ANO1: variants seen among roughly 807,000 people sequenced by gnomAD.
The protein encoded by ANO1 is anoctamin-1.
In ANO1, 59 loss-of-function variants were observed where a neutral mutation model predicts 124.0. That is an observed-to-expected ratio of 0.48 (90% CI 0.39 to 0.59). ANO1 has a LOEUF of 0.59. Ranked by LOEUF, ANO1 falls within the 20% of genes least tolerant of loss-of-function variation. The pLI is 0.00. For synonymous variants in ANO1, 529 were observed against 532.0 expected (o/e 0.99, Z 0.08); for missense variants, 1,059 against 1,328.0 (o/e 0.80, Z 3.15).
intron 1 of ANO1, among the ~76,000 whole-genome samples, chr11:70,053,872 A>G (rs1284242458): frequency 1.3e-5 from 2 of 152,180 alleles, no homozygotes; most frequent in African/African-American, 4.8e-5. Flanking sequence ...GATATAGGAC[A>G]TTGTGATTGT....
intron 1 of ANO1, among the ~76,000 whole-genome samples, chr11:70,021,259 C>T (rs1159448276): frequency 1.3e-5 from 2 of 152,156 alleles, no homozygotes; most frequent in Non-Finnish European, 2.9e-5. Context: ...TGTCATCCCG[C>T]TTAAGACTAA....
intron 1 of ANO1, among the ~76,000 whole-genome samples, chr11:70,081,192 A>G (rs2044190469): frequency 6.6e-6 from 1 of 152,204 alleles, no homozygotes; most frequent in African/African-American, 2.4e-5. Context: ...TATAAGAAGA[A>G]ATGACTTGAA....
At chr11:70,095,309 A>AAGGG (rs1396550985) in intron 2 of ANO1, among the ~76,000 whole-genome samples, 1 of 130,722 alleles carries the variant, frequency 7.6e-6, no homozygotes, top group African/African-American at 2.9e-5. Context: ...GGAAAGAAAG[A>AAGGG]AAGAAAGAAA....
chr11:70,085,343 C>T, intron 1 of ANO1: 2 of 1,423,782 alleles, frequency 1.4e-6, no homozygotes, highest in Non-Finnish European at 1.8e-6. Context: ...CCAAGCCACC[C>T]ACCCACATGG....
chr11:70,053,636 T>C (rs1857387945), intron 1 of ANO1, among the ~76,000 whole-genome samples: 1 of 152,192 alleles, frequency 6.6e-6, no homozygotes, highest in Admixed American at 6.5e-5. Context: ...TTGTTTAGGA[T>C]TTATAAGATA....
chr11:70,089,409 G>C (rs574675830), intron 2 of ANO1, among the ~76,000 whole-genome samples: 1 of 152,190 alleles, frequency 6.6e-6, no homozygotes, highest in Non-Finnish European at 1.5e-5. Context: ...GAGTGGAAAC[G>C]CCTCTGTTTT....
At chr11:70,030,252 T>A (rs1358570835) in intron 1 of ANO1, among the ~76,000 whole-genome samples, 1 of 152,176 alleles carries the variant, frequency 6.6e-6, no homozygotes, top group African/African-American at 2.4e-5. Context: ...GAAATTGGCA[T>A]CTGGAGCCGA....
At chr11:70,152,495 A>G (rs1395461881) in intron 13 of ANO1, 34 bp downstream of exon 13, 1 of 1,607,964 alleles carries the variant, frequency 6.2e-7, no homozygotes, top group Admixed American at 1.7e-5. Flanking sequence ...CTATCTTCCC[A>G]CAGCCTATCT....
intron 10 of ANO1, among the ~76,000 whole-genome samples, chr11:70,128,003 C>G (rs932810920): frequency 6.6e-6 from 1 of 152,178 alleles, no homozygotes; most frequent in Non-Finnish European, 1.5e-5. Flanking sequence ...ATCTCTAAAG[C>G]AGAGGTATAG....
At chr11:70,030,143 G>C (rs1220282833) in intron 1 of ANO1, among the ~76,000 whole-genome samples, 4 of 152,224 alleles carry the variant, frequency 2.6e-5, no homozygotes, top group Non-Finnish European at 5.9e-5. Flanking sequence ...TCAGGGAAGC[G>C]AAAGTTGCTC....
At chr11:70,045,637 C>T (rs1396307904) in intron 1 of ANO1, among the ~76,000 whole-genome samples, 3 of 152,052 alleles carry the variant, frequency 2.0e-5, no homozygotes, top group African/African-American at 7.2e-5. Flanking sequence ...ACTCATACAA[C>T]TGATTTTTTT....
At chr11:70,088,320 G>A (rs907769801) in intron 2 of ANO1, among the ~76,000 whole-genome samples, 2 of 152,050 alleles carry the variant, frequency 1.3e-5, no homozygotes, top group Non-Finnish European at 2.9e-5. Context: ...GGCCATCCTG[G>A]CCAACACGGT....
rs533242690 is a variant in ANO1 at position 70,102,893 on chromosome 11, T to C, written c.442-173T>C. On this transcript the variant is annotated intron_variant, in intron 2 of 25. Transcript: ENST00000355303. ...CCCTGCACTTCCTCCCACCTTCTGC[T>C]AAAGGGAATTCTAGCTTTGCCTCAA... 2.2e-4 allele frequency among the ~76,000 whole-genome samples: 33 copies of C among 152,272 alleles called. No individual in the cohort carries two copies. In the South Asian group the frequency reaches 6.8e-3, roughly 32 times the overall value.
At chr11:69,992,745 C>G (rs564726832) in intron 1 of ANO1, among the ~76,000 whole-genome samples, 3 of 152,202 alleles carry the variant, frequency 2.0e-5, no homozygotes, top group African/African-American at 7.2e-5. Context: ...TTTGGTGAGG[C>G]CTTCGTCTCT....
chr11:69,970,805 G>A, the ANO1 span, among the ~76,000 whole-genome samples: 158 of 152,280 alleles, frequency 1.0e-3, no homozygotes, highest in African/African-American at 3.5e-3. Context: ...TGCAGTCATC[G>A]GACACCCTGT....
chr11:70,091,154 C>T (rs77907803), intron 2 of ANO1, among the ~76,000 whole-genome samples: 27,460 of 152,140 alleles, frequency 0.18, 2,683 homozygotes, highest in Admixed American at 0.24. Context: ...GAGCTGCTGC[C>T]GTGTTCATTT....
chr11:69,976,415 G>A, the ANO1 span, among the ~76,000 whole-genome samples: 2 of 151,484 alleles, frequency 1.3e-5, no homozygotes, highest in African/African-American at 4.9e-5. Flanking sequence ...GCTGAGGCAG[G>A]AGAATGGCGT....
intron 8 of ANO1, among the ~76,000 whole-genome samples, chr11:70,124,070 T>A (rs553303408): frequency 6.6e-6 from 1 of 152,310 alleles, no homozygotes; most frequent in South Asian, 2.1e-4. Context: ...AATGGTTTGG[T>A]GTCTGATGGG....
intron 11 of ANO1, among the ~76,000 whole-genome samples, chr11:70,135,825 A>G (rs1032012853): frequency 3.9e-5 from 6 of 152,246 alleles, no homozygotes; most frequent in African/African-American, 1.4e-4. Context: ...GCCGGGCGAT[A>G]AGAGGTCTCT....
Sources: allele counts gnomAD v4.1 joint callset (sites outside exome capture counted in the v4.1 genomes callset), GRCh38; gene constraint gnomAD v4.1.1; transcripts MANE v1.5; gene names NCBI Gene and HGNC (gene_info 2026-07-23, HGNC 2026-07-21).